Variants in CCDC66 observed in about 807,000 individuals in gnomAD.
CCDC66 encodes the protein coiled-coil domain containing 66, also known as coiled-coil domain-containing protein 66.
CCDC66 carries 133 observed loss-of-function variants against 128.3 expected under a neutral mutation model. The observed-to-expected ratio is 1.04, with a 90% CI of 0.90 to 1.20. The LOEUF is 1.20. Ranked by LOEUF, CCDC66 falls within the 50% of genes most tolerant of loss-of-function variation. The pLI is 0.00. For missense variants in CCDC66, 1,126 were observed against 1,075.5 expected (o/e 1.05, Z -0.66); for synonymous variants, 387 against 357.0 (o/e 1.08, Z -0.95).
intron 7 of CCDC66, among the ~76,000 whole-genome samples, chr3:56,581,422 G>A (rs2106675230): frequency 6.6e-6 from 1 of 151,928 alleles, no homozygotes; most frequent in Non-Finnish European, 1.5e-5. Context: ...ACTCATCAAA[G>A]TCATTCTCTG....
At position 56,593,619 on chromosome 3, in the gene CCDC66, G is replaced by C. The variant is rs1344011169; in HGVS notation, c.1197G>C (p.Gln399His). ...PEYFCVSPDT[Q>H]ELADVSSVCT... ...ACTTCTGTGTCTCTCCTGACACTCA[G>C]GAGCTGGCTGATGTCAGCAGTGTTT... Residue 399 changes from glutamine to histidine, a missense_variant, in exon 9 of 18, where the codon CAG becomes CAC. Coordinates refer to ENST00000394672, the MANE Select transcript of CCDC66 (RefSeq NM_001141947.3). The C allele has an allele frequency of 4.3e-6, 7 of 1,614,178 alleles. No individual in the cohort carries two copies. In the South Asian group the frequency reaches 6.6e-5, roughly 15 times the overall value.
chr3:56,557,591 G>A, intron 1 of CCDC66: 1 of 356,876 alleles, frequency 2.8e-6, no homozygotes, highest in Non-Finnish European at 5.1e-6. Flanking sequence ...GGCGGCTCCT[G>A]GGGAGGACTC....
intron 7 of CCDC66, among the ~76,000 whole-genome samples, chr3:56,576,360 T>C (rs982130467): frequency 1.3e-5 from 2 of 151,524 alleles, no homozygotes; most frequent in African/African-American, 4.8e-5. Context: ...TTGATGCCAT[T>C]GTACATGGGA....
At chr3:56,565,720 G>A (rs2065743733) in intron 4 of CCDC66, among the ~76,000 whole-genome samples, 1 of 151,688 alleles carries the variant, frequency 6.6e-6, no homozygotes, top group Admixed American at 6.6e-5. Flanking sequence ...AGGCTGGAGT[G>A]CAGTGGTGCG....
intron 10 of CCDC66, among the ~76,000 whole-genome samples, chr3:56,595,475 A>T (rs1308960188): frequency 6.6e-6 from 1 of 152,172 alleles, no homozygotes; most frequent in East Asian, 1.9e-4. Flanking sequence ...TTTAGCTCCC[A>T]CATATGAGTG....
intron 17 of CCDC66, chr3:56,620,708 T>TA (rs2076357114): frequency 6.6e-6 from 1 of 152,262 alleles, no homozygotes; most frequent in Middle Eastern, 3.2e-3. Context: ...GACGAAGTGT[T>TA]AGTTTACTTC....
chr3:56,557,301 C>T (rs2064440288), intron 1 of CCDC66, 48 bp downstream of exon 1: 2 of 1,399,826 alleles, frequency 1.4e-6, no homozygotes, highest in East Asian at 2.6e-5. Context: ...AGGTGGTCGT[C>T]AGCGGAGAGG....
At chr3:56,584,624 A>G (rs1230119102) in intron 7 of CCDC66, among the ~76,000 whole-genome samples, 3 of 150,922 alleles carry the variant, frequency 2.0e-5, no homozygotes, top group South Asian at 2.1e-4. Context: ...GGCCGGGCAG[A>G]GGGGCTCCTC....
chr3:56,611,226 C>A (rs1015541010), intron 10 of CCDC66, among the ~76,000 whole-genome samples: 4 of 152,026 alleles, frequency 2.6e-5, no homozygotes, highest in African/African-American at 9.7e-5. Context: ...TCAGGCTCTC[C>A]TTGGGTGGGT....
intron 1 of CCDC66, among the ~76,000 whole-genome samples, chr3:56,558,160 T>C (rs1322503506): frequency 6.6e-6 from 1 of 152,180 alleles, no homozygotes; most frequent in Non-Finnish European, 1.5e-5. Context: ...TTTCCCAGCC[T>C]CTCTCTCCCT....
At chr3:56,617,029 ATTG>A in intron 13 of CCDC66, 80 bp from the exon 14 acceptor site, 1 of 1,132,512 alleles carries the variant, frequency 8.8e-7, no homozygotes, top group Non-Finnish European at 1.2e-6. Flanking sequence ...GAGGGCAATA[ATTG>A]TTTAATGTTT....
At chr3:56,568,426 T>C (rs2066179118) in intron 6 of CCDC66, among the ~76,000 whole-genome samples, 1 of 152,220 alleles carries the variant, frequency 6.6e-6, no homozygotes, top group African/African-American at 2.4e-5. Flanking sequence ...TATGATATTA[T>C]CAAAAGTCGT....
chr3:56,613,818 T>C lies in CCDC66; in HGVS notation c.1566+68T>C. Reference sequence around the variant, plus strand: ...GTTTTTGAGACAGGGTCTCACTCTTTTGCCCAGGTTGGAGTGCAGTGGTGC... The same window carrying C: ...GTTTTTGAGACAGGGTCTCACTCTTCTGCCCAGGTTGGAGTGCAGTGGTGC... On this transcript the variant is annotated intron_variant, in intron 11 of 17. Coordinates refer to ENST00000394672, the MANE Select transcript of CCDC66 (RefSeq NM_001141947.3). 3 of 1,350,652 alleles carry C rather than the reference T, an allele frequency of 2.2e-6. No individual in the cohort carries two copies. In the South Asian group the frequency reaches 4.0e-5, roughly 18 times the overall value. 83.7% of individuals were successfully genotyped at this position (1,350,652 alleles called of 1,614,324 possible). A position where few individuals can be genotyped will look rare whatever the true frequency, so the allele number is the denominator to read the frequency against.
At chr3:56,572,102 G>C (rs548387008) in intron 7 of CCDC66, among the ~76,000 whole-genome samples, 3 of 152,090 alleles carry the variant, frequency 2.0e-5, no homozygotes, top group East Asian at 3.9e-4. Flanking sequence ...GAGTTGTCTC[G>C]TTATGTCGTT....
intron 7 of CCDC66, among the ~76,000 whole-genome samples, chr3:56,586,299 C>T (rs1180683238): frequency 1.3e-5 from 2 of 151,722 alleles, no homozygotes; most frequent in East Asian, 2.0e-4. Flanking sequence ...GAGGCTGAGG[C>T]GGGTGGATCA....
rs144692611 is a variant in CCDC66, at chr3:56,621,183, CAA to C, written c.2761-340_2761-339del. ...CCAAAAAAAAACAAAACAACAACAACAAAAAAAAAACACTGTATGTTAAGGGA... is the reference window on the plus strand; with the variant it reads ...CCAAAAAAAAACAAAACAACAACAACAAAAAAAACACTGTATGTTAAGGGA... On this transcript the variant is annotated intron_variant, in intron 17 of 17. Coordinates refer to ENST00000394672, the MANE Select transcript of CCDC66 (RefSeq NM_001141947.3). 8 of 151,468 alleles carry C rather than the reference CAA, an allele frequency of 5.3e-5. No homozygotes were observed. The South Asian group carries it at 1.5e-3, about 28-fold the overall frequency. 9.4% of individuals were successfully genotyped at this position (151,468 alleles called of 1,614,324 possible).
At chr3:56,569,391 A>T (rs2066324876) in intron 6 of CCDC66, 1 of 299,342 alleles carries the variant, frequency 3.3e-6, no homozygotes, top group African/African-American at 2.2e-5. Context: ...CTCACGGTGG[A>T]AGGCAAAGGG....
chr3:56,583,827 G>A lies in CCDC66; in HGVS notation c.937-9143G>A, dbSNP rs537383365. On this transcript the variant is annotated intron_variant, in intron 7 of 17. Transcript: ENST00000394672. ...GAGCTGTTGGGTACACCTCCCAGAC[G>A]GGGTGGCGGCCAGGAAGAGGGGCTC... Among the ~76,000 whole-genome samples the A allele has an allele frequency of 2.2e-4, 33 of 151,816 alleles. 1 individual carries two copies. The highest frequency in any genetic ancestry group is 7.9e-4 in the Admixed American group (12 of 15,182).
intron 4 of CCDC66, among the ~76,000 whole-genome samples, 187 bp downstream of exon 4, chr3:56,564,312 T>G (rs2065502143): frequency 6.6e-6 from 1 of 152,176 alleles, no homozygotes; most frequent in African/African-American, 2.4e-5. Context: ...TGTGCCATAT[T>G]TTAAGGTTAG....
Sources: gnomAD v4.1 joint callset for allele counts (sites outside exome capture counted in the v4.1 genomes callset) on GRCh38, gnomAD v4.1.1 for gene constraint, MANE v1.5 for transcripts, NCBI Gene and HGNC (gene_info 2026-07-23, HGNC 2026-07-21) for gene names.